SAMD3: variants seen among roughly 807,000 people sequenced by gnomAD.
SAMD3 encodes the protein sterile alpha motif domain containing 3.
Under a neutral mutation model 58.5 loss-of-function variants are expected in SAMD3, and 63 were observed. The observed-to-expected ratio is 1.08, with a 90% CI of 0.88 to 1.33. The LOEUF (loss-of-function observed/expected upper bound fraction) is 1.33. Ranked by LOEUF, SAMD3 falls within the 40% of genes most tolerant of loss-of-function variation. SAMD3 has a pLI of 0.00. For synonymous variants in SAMD3, 220 were observed against 210.3 expected, an observed-to-expected ratio of 1.05 and a Z score of -0.40; for missense variants, 604 against 608.4, an observed-to-expected ratio of 0.99 and a Z score of 0.08.
chr6:130,273,063 TTC>T (rs68023244), intron 2 of SAMD3, among the ~76,000 whole-genome samples: 46,866 of 151,530 alleles, frequency 0.31, 7,561 homozygotes, highest in East Asian at 0.47. Flanking sequence ...AGTATTGAAG[TTC>T]TTTTTTTTTA....
chr6:130,226,930 TA>T (rs111560352), upstream of SAMD3, among the ~76,000 whole-genome samples: 30 of 152,384 alleles, frequency 2.0e-4, 1 homozygote, highest in African/African-American at 7.0e-4. Context: ...AGTAATCTGA[TA>T]TTTTTTACAT....
chr6:130,154,101 A>G (rs1168626327), intron 9 of SAMD3, among the ~76,000 whole-genome samples: 1 of 152,118 alleles, frequency 6.6e-6, no homozygotes, highest in African/African-American at 2.4e-5. Context: ...AAAAGCATGA[A>G]AGGGAATAAT....
intron 2 of SAMD3, among the ~76,000 whole-genome samples, chr6:130,240,541 T>A (rs1773319248): frequency 6.6e-6 from 1 of 152,192 alleles, no homozygotes; most frequent in South Asian, 2.1e-4. Flanking sequence ...TAACAACATG[T>A]CATAGTGAAT....
rs557013996 is a variant in SAMD3, at chr6:130,166,519, A to G, written c.822+9322T>C. Reference sequence around the variant, plus strand: ...TAAGTTCCCAAATAGACTTGGGTGTATTCTGGGCATTCTCTCTTATTCCAC... The same window carrying G: ...TAAGTTCCCAAATAGACTTGGGTGTGTTCTGGGCATTCTCTCTTATTCCAC... On this transcript the variant is annotated intron_variant, in intron 8 of 11. Transcript: ENST00000439090. Among the ~76,000 whole-genome samples the G allele has an allele frequency of 3.9e-5, 6 of 152,324 alleles. 1 individual carries two copies. In the South Asian group the frequency reaches 1.2e-3, roughly 32 times the overall value.
In SAMD3 at chr6:130,184,444, C is replaced by G; in HGVS notation, c.563G>C (p.Gly188Ala). ...TTGTCCTGTTGTCACTCACAGTGAGCCTTCCAGATACTTAGTCATGTCGGC... is the reference window on the plus strand; with the variant it reads ...TTGTCCTGTTGTCACTCACAGTGAGGCTTCCAGATACTTAGTCATGTCGGC... ...LQADMTKYLE[G>A]SLYPSTQQYN... The change falls in exon 6 of 12, where the codon GGC (glycine) becomes GCC (alanine). Residue 188 changes from glycine to alanine, a missense_variant. Coordinates refer to ENST00000439090, the MANE Select transcript of SAMD3 (RefSeq NM_001017373.4). 1 of 1,613,658 alleles carries G rather than the reference C, an allele frequency of 6.2e-7. No homozygotes were observed. Among genetic ancestry groups the G allele is most frequent in the South Asian group, 1.1e-5 (1 of 90,942 alleles).
intron 2 of SAMD3, among the ~76,000 whole-genome samples, chr6:130,309,708 G>C (rs1305746768): frequency 6.6e-6 from 1 of 152,156 alleles, no homozygotes; most frequent in African/African-American, 2.4e-5. Context: ...AAACTTGAAG[G>C]ACTTGGGACA....
chr6:130,343,003 T>C (rs1777319091), intron 1 of SAMD3, among the ~76,000 whole-genome samples: 2 of 152,070 alleles, frequency 1.3e-5, no homozygotes, highest in African/African-American at 4.8e-5. Context: ...AGGAAATTTC[T>C]GAAAGTAGAC....
intron 8 of SAMD3, among the ~76,000 whole-genome samples, chr6:130,169,212 A>G (rs1582777585): frequency 1.3e-5 from 2 of 152,210 alleles, no homozygotes; most frequent in South Asian, 2.1e-4. Context: ...ATTATATGAG[A>G]TAAATTCAAA....
chr6:130,143,158 G>GTGA (rs35120815), downstream of SAMD3: 1 of 152,200 alleles, frequency 6.6e-6, no homozygotes, highest in African/African-American at 2.4e-5. Context: ...TGTCATTTCA[G>GTGA]TGATAGAATA....
Position 130,221,086 on chromosome 6 carries a change from C to T in SAMD3, c.-68+1608G>A, listed in dbSNP as rs184882739. On this transcript the variant is annotated intron_variant, in intron 1 of 11. Coordinates refer to ENST00000439090, the MANE Select transcript of SAMD3 (RefSeq NM_001017373.4). ...AGCCAGGATGGTCTCGATCTCCTGA[C>T]CTTGTGATCTGCCCACCTTGGCCTC... Among the ~76,000 whole-genome samples the T allele has an allele frequency of 2.6e-5, 4 of 151,944 alleles. 1 individual carries two copies. The East Asian group carries it at 7.7e-4, about 29-fold the overall frequency.
chr6:130,300,933 T>C (rs1775725298), intron 2 of SAMD3, among the ~76,000 whole-genome samples: 1 of 152,110 alleles, frequency 6.6e-6, no homozygotes, highest in South Asian at 2.1e-4. Context: ...AACTCGTCAT[T>C]TACATTAGGT....
At chr6:130,270,279 G>A (rs560004209) in intron 2 of SAMD3, among the ~76,000 whole-genome samples, 1 of 152,296 alleles carries the variant, frequency 6.6e-6, no homozygotes, top group South Asian at 2.1e-4. Context: ...TTTTAGTAGA[G>A]ATGGGGTTTC....
At chr6:130,165,738 T>C (rs1790682664) in intron 8 of SAMD3, among the ~76,000 whole-genome samples, 1 of 152,090 alleles carries the variant, frequency 6.6e-6, no homozygotes, top group Admixed American at 6.5e-5. Flanking sequence ...AAAGAAACTT[T>C]AGTAATTAAG....
At chr6:130,242,258 A>G (rs1338985623) in intron 2 of SAMD3, among the ~76,000 whole-genome samples, 2 of 152,224 alleles carry the variant, frequency 1.3e-5, no homozygotes, top group African/African-American at 4.8e-5. Context: ...TTGGCTAGAC[A>G]GTGTCTGTCT....
chr6:130,350,498 A>T (rs949402859), intron 1 of SAMD3, among the ~76,000 whole-genome samples: 10 of 152,160 alleles, frequency 6.6e-5, no homozygotes, highest in African/African-American at 2.4e-4. Context: ...TAAAATACCT[A>T]GGAATCCAAC....
chr6:130,272,581 GATA>G (rs1774603991), intron 2 of SAMD3, among the ~76,000 whole-genome samples: 1 of 152,182 alleles, frequency 6.6e-6, no homozygotes, highest in Non-Finnish European at 1.5e-5. Flanking sequence ...CTAGTGATGA[GATA>G]ATAAATCTCC....
intron 1 of SAMD3, among the ~76,000 whole-genome samples, chr6:130,351,938 T>C (rs1279003021): frequency 6.6e-6 from 1 of 151,878 alleles, no homozygotes; most frequent in Non-Finnish European, 1.5e-5. Flanking sequence ...CTGGAAACCA[T>C]CATTCTCAGC....
chr6:130,205,154 T>A (rs79832057), intron 5 of SAMD3, among the ~76,000 whole-genome samples: 10 of 138,210 alleles, frequency 7.2e-5, no homozygotes, highest in Admixed American at 2.2e-4. Flanking sequence ...TTTGGCTCTG[T>A]AAAAAAAAAA....
At chr6:130,260,653 G>T (rs1774091383) in intron 2 of SAMD3, among the ~76,000 whole-genome samples, 2 of 152,316 alleles carry the variant, frequency 1.3e-5, no homozygotes, top group South Asian at 4.1e-4. Context: ...TTGGCGAATG[G>T]TCGAGGCAGC....
Sources: allele counts gnomAD v4.1 joint callset (sites outside exome capture counted in the v4.1 genomes callset), GRCh38; gene constraint gnomAD v4.1.1; transcripts MANE v1.5; gene names NCBI Gene and HGNC (gene_info 2026-07-23, HGNC 2026-07-21).